Variants in PTGIS observed in about 807,000 individuals in gnomAD.
The protein encoded by PTGIS is prostacyclin synthase.
Under a neutral mutation model 50.3 loss-of-function variants are expected in PTGIS, and 45 were observed. The ratio of observed to expected loss-of-function variants is 0.90; its 90% CI spans 0.70 to 1.15. The LOEUF (loss-of-function observed/expected upper bound fraction) is 1.15, where lower values mean the gene tolerates loss of function less well. Ranked by LOEUF, PTGIS falls within the 50% of genes most tolerant of loss-of-function variation. The pLI is 0.00. For missense variants in PTGIS, 668 were observed against 661.3 expected (o/e 1.01, Z -0.11); for synonymous variants, 260 against 267.7 (o/e 0.97, Z 0.28).
intron 5 of PTGIS, among the ~76,000 whole-genome samples, chr20:49,533,308 G>A (rs541594183): frequency 3.3e-5 from 5 of 152,206 alleles, no homozygotes; most frequent in African/African-American, 9.6e-5. Flanking sequence ...ATATAAGAAT[G>A]CCTTTTTCCC....
At chr20:49,528,762 ACAAAG>A (rs1407523290) in intron 5 of PTGIS, among the ~76,000 whole-genome samples, 1 of 152,248 alleles carries the variant, frequency 6.6e-6, no homozygotes, top group Non-Finnish European at 1.5e-5. Flanking sequence ...TATTGTTAGC[ACAAAG>A]CAAAGTGCCA....
chr20:49,547,938 G>A lies in PTGIS; in HGVS notation c.280C>T (p.Leu94Phe). 3.1e-6 allele frequency: 5 copies of A among 1,614,156 alleles called. No individual in the cohort carries two copies. Among genetic ancestry groups the A allele is most frequent in the Non-Finnish European group, 3.4e-6 (4 of 1,180,020 alleles). The change falls in exon 3 of 10, where the codon CTC becomes TTC. Residue 94 changes from leucine (L) to phenylalanine (F), a missense_variant. Coordinates refer to ENST00000244043, the MANE Select transcript of PTGIS (RefSeq NM_000961.4). ...DAVVWEPRTR[L>F]DFHAYAIFLM... ...AAGATGGCATAGGCATGGAAGTCGA[G>A]CCTGGTGCGAGGCTCCCACACCACC... is the stretch of plus-strand genomic sequence containing the variant.
intron 1 of PTGIS, among the ~76,000 whole-genome samples, chr20:49,562,287 G>A (rs923087416): frequency 6.6e-5 from 10 of 152,342 alleles, no homozygotes; most frequent in South Asian, 6.2e-4. Context: ...GGCGGGAGCA[G>A]GCTTTCTTCC....
chr20:49,561,430 GGGCCT>G (rs1188792525), intron 1 of PTGIS, among the ~76,000 whole-genome samples: 2 of 152,196 alleles, frequency 1.3e-5, no homozygotes, highest in African/African-American at 4.8e-5. Flanking sequence ...AGGAGGTGCA[GGGCCT>G]TGCCTTGTGC....
chr20:49,509,776 TTCTC>T (rs1034331917), intron 9 of PTGIS, among the ~76,000 whole-genome samples: 2 of 151,794 alleles, frequency 1.3e-5, no homozygotes, highest in Admixed American at 6.6e-5. Context: ...TACTGGGTTC[TTCTC>T]TCTCTCTCTT....
intron 6 of PTGIS, among the ~76,000 whole-genome samples, chr20:49,517,797 GCTTC>G (rs1762886531): frequency 6.6e-6 from 1 of 152,180 alleles, no homozygotes; most frequent in South Asian, 2.1e-4. Context: ...GCCTGCATCC[GCTTC>G]CTTGTCGTTG....
intron 5 of PTGIS, among the ~76,000 whole-genome samples, chr20:49,524,966 A>G (rs1981758900): frequency 6.6e-6 from 1 of 152,232 alleles, no homozygotes; most frequent in African/African-American, 2.4e-5. Context: ...CCAGAGCAGG[A>G]GAAGGAACAC....
chr20:49,512,216 T>G (rs1429487323), intron 8 of PTGIS, among the ~76,000 whole-genome samples: 1 of 147,628 alleles, frequency 6.8e-6, no homozygotes, highest in Non-Finnish European at 1.5e-5. Context: ...TGGGTGAGTA[T>G]GTGGATGGAT....
At chr20:49,525,003 C>T (rs953954529) in intron 5 of PTGIS, among the ~76,000 whole-genome samples, 1 of 152,212 alleles carries the variant, frequency 6.6e-6, no homozygotes, top group African/African-American at 2.4e-5. Flanking sequence ...TTCTCCCTCC[C>T]CAGGGTCCAA....
rs990009130 is a variant in PTGIS at position 49,514,353 on chromosome 20, G to A, written c.898C>T (p.Leu300Phe). ...PAAFWLLLFL[L>F]KNPEALAAVR... ...GCAGCCAGGGCTTCAGGATTCTTGA[G>A]AAGGAAGAGCAGGAGCCAGAAGGCA... The change falls in exon 7 of 10, where the codon CTC becomes TTC. Residue 300 changes from leucine (L) to phenylalanine (F), a missense_variant. Transcript: ENST00000244043. The A allele has an allele frequency of 6.2e-7, 1 of 1,613,982 alleles. No individual in the cohort carries two copies. Among genetic ancestry groups the A allele is most frequent in the Non-Finnish European group, 8.5e-7 (1 of 1,180,046 alleles).
At chr20:49,530,991 C>T (rs1981920767) in intron 5 of PTGIS, among the ~76,000 whole-genome samples, 1 of 152,098 alleles carries the variant, frequency 6.6e-6, no homozygotes, top group Non-Finnish European at 1.5e-5. Context: ...GATCTCTTGA[C>T]CTCGTGATCT....
intron 1 of PTGIS, among the ~76,000 whole-genome samples, chr20:49,556,914 A>G (rs958548109): frequency 1.3e-5 from 2 of 152,124 alleles, no homozygotes; most frequent in African/African-American, 4.8e-5. Context: ...AAATCACTAA[A>G]AGTTAAGCTG....
At position 49,524,189 on chromosome 20, in the gene PTGIS, A is replaced by G. The variant is rs1168586238; in HGVS notation, c.724T>C (p.Ser242Pro). The G allele has an allele frequency of 1.2e-6, 2 of 1,613,186 alleles. No homozygotes were observed. The highest frequency in any genetic ancestry group is 2.2e-5 in the South Asian group (2 of 91,038). The change falls in exon 6 of 10, where the codon TCC becomes CCC. Residue 242 changes from serine (S) to proline (P), a missense_variant. Transcript: ENST00000244043. ...SVKSRLWKLL[S>P]PARLARRAHR... is the part of the protein sequence containing the mutation. Reference sequence around the variant, plus strand: ...GCCCGCCTGGCCAGCCTGGCTGGGGATAGCAGCTTCCACAGGCGACTTTTG... The same window carrying G: ...GCCCGCCTGGCCAGCCTGGCTGGGGGTAGCAGCTTCCACAGGCGACTTTTG...
intron 7 of PTGIS, 123 bp downstream of exon 7, chr20:49,514,104 G>A (rs1300807225): frequency 8.4e-7 from 1 of 1,191,732 alleles, no homozygotes; most frequent in African/African-American, 1.5e-5. Flanking sequence ...GAGGCTTAGG[G>A]AGACCCTAGG....
intron 3 of PTGIS, among the ~76,000 whole-genome samples, chr20:49,547,052 T>C (rs1175436726): frequency 1.3e-5 from 2 of 152,088 alleles, no homozygotes; most frequent in African/African-American, 4.8e-5. Context: ...GACAACATGA[T>C]GAAATCCTGT....
intron 1 of PTGIS, among the ~76,000 whole-genome samples, chr20:49,561,558 G>C (rs1982776670): frequency 1.3e-5 from 2 of 152,202 alleles, no homozygotes; most frequent in Admixed American, 1.3e-4. Context: ...TTCCAGCCCA[G>C]GTCAGAGCCT....
rs540900146 is a variant in PTGIS at position 49,525,813 on chromosome 20, C to G, written c.674-1574G>C. On this transcript the variant is annotated intron_variant, in intron 5 of 9. Transcript: ENST00000244043. ...CTCCCTCACTGACTCTTCTGAACCA[C>G]AAGCCGTGTTTCAGGAAGACTCGCC... 2.0e-4 allele frequency among the ~76,000 whole-genome samples: 31 copies of G among 152,322 alleles called. 1 individual carries two copies. Among genetic ancestry groups the G allele is most frequent in the African/African-American group, 6.7e-4 (28 of 41,574 alleles).
intron 1 of PTGIS, among the ~76,000 whole-genome samples, chr20:49,561,863 T>C (rs1982786047): frequency 6.6e-6 from 1 of 152,192 alleles, no homozygotes; most frequent in Non-Finnish European, 1.5e-5. Context: ...ACCATTTACC[T>C]AGTGCCAACT....
chr20:49,559,316 T>G (rs1367100139), intron 1 of PTGIS, among the ~76,000 whole-genome samples: 2 of 152,182 alleles, frequency 1.3e-5, no homozygotes, highest in Non-Finnish European at 2.9e-5. Flanking sequence ...GAATTGTAAC[T>G]AAGGCAGACA....
Sources: allele counts gnomAD v4.1 joint callset (sites outside exome capture counted in the v4.1 genomes callset), GRCh38; gene constraint gnomAD v4.1.1; transcripts MANE v1.5; gene names NCBI Gene and HGNC (gene_info 2026-07-23, HGNC 2026-07-21).